TP53BP2: variants seen among roughly 807,000 people sequenced by gnomAD.
The protein encoded by TP53BP2 is tumor protein p53 binding protein 2.
Under a neutral mutation model 126.2 loss-of-function variants are expected in TP53BP2, and 62 were observed. That is an observed-to-expected ratio of 0.49 (90% confidence interval 0.40 to 0.61). The LOEUF (loss-of-function observed/expected upper bound fraction) is 0.61. TP53BP2 is among the 20% of genes least tolerant of loss of function. The pLI is 0.00. For synonymous variants in TP53BP2, 485 were observed against 502.9 expected, an observed-to-expected ratio of 0.96 and a Z score of 0.48; for missense variants, 1,215 against 1,402.8, an observed-to-expected ratio of 0.87 and a Z score of 2.14.
chr1:223,835,325 A>C (rs555113079), intron 1 of TP53BP2, among the ~76,000 whole-genome samples: 1 of 152,342 alleles, frequency 6.6e-6, no homozygotes, highest in African/African-American at 2.4e-5. Flanking sequence ...CGTATCCTCT[A>C]AAGCAACTCA....
intron 1 of TP53BP2, among the ~76,000 whole-genome samples, chr1:223,843,878 A>G (rs556311926): frequency 3.4e-4 from 52 of 152,364 alleles, no homozygotes; most frequent in African/African-American, 1.2e-3. Flanking sequence ...AAATTATTTC[A>G]TATTTTTATA....
chr1:223,825,991 C>T (rs1469267934), intron 1 of TP53BP2: 4 of 152,376 alleles, frequency 2.6e-5, no homozygotes, highest in African/African-American at 7.2e-5. Flanking sequence ...AAAAAAAAGA[C>T]ACTCAGCACA....
chr1:223,809,430 G>C (rs1481267972), intron 4 of TP53BP2, among the ~76,000 whole-genome samples: 1 of 151,940 alleles, frequency 6.6e-6, no homozygotes, highest in East Asian at 1.9e-4. Context: ...AGCTGGGTGT[G>C]GTCACAGGCA....
At chr1:223,815,138 T>C (rs1009363415) in intron 2 of TP53BP2, among the ~76,000 whole-genome samples, 1 of 152,224 alleles carries the variant, frequency 6.6e-6, no homozygotes, top group African/African-American at 2.4e-5. Context: ...TTTTTAAATA[T>C]AAGAATGTTG....
At chr1:223,840,614 C>T (rs1320641329) in intron 1 of TP53BP2, among the ~76,000 whole-genome samples, 2 of 152,134 alleles carry the variant, frequency 1.3e-5, no homozygotes, top group Non-Finnish European at 2.9e-5. Context: ...TTAAAGAGTG[C>T]CATACACTAT....
intron 1 of TP53BP2, among the ~76,000 whole-genome samples, chr1:223,823,710 A>G (rs1663395627): frequency 6.6e-6 from 1 of 152,228 alleles, no homozygotes; most frequent in African/African-American, 2.4e-5. Flanking sequence ...TTAACAAAGC[A>G]CAGAAGTACA....
intron 1 of TP53BP2, among the ~76,000 whole-genome samples, chr1:223,833,900 A>G (rs1447025438): frequency 1.3e-5 from 2 of 152,234 alleles, no homozygotes; most frequent in Non-Finnish European, 2.9e-5. Flanking sequence ...ATATAAAGCG[A>G]TATGATAAAG....
At chr1:223,781,349 G>A (rs1661771976) in intron 17 of TP53BP2, among the ~76,000 whole-genome samples, 1 of 152,234 alleles carries the variant, frequency 6.6e-6, no homozygotes, top group South Asian at 2.1e-4. Context: ...TGGGACTTCA[G>A]ACTGTCAGAA....
At chr1:223,829,365 G>A (rs1223209019) in intron 1 of TP53BP2, among the ~76,000 whole-genome samples, 6 of 152,074 alleles carry the variant, frequency 3.9e-5, no homozygotes, top group African/African-American at 1.4e-4. Context: ...GAGAATGTGG[G>A]TAAAATGGAA....
intron 1 of TP53BP2, among the ~76,000 whole-genome samples, chr1:223,825,026 AAC>A (rs3058420): frequency 0.068 from 9,710 of 143,254 alleles, 394 homozygotes; most frequent in East Asian, 0.13. Flanking sequence ...TCCAACACCA[AAC>A]ACACACACAC....
intron 16 of TP53BP2, among the ~76,000 whole-genome samples, chr1:223,785,959 C>T (rs1661938025): frequency 6.6e-6 from 1 of 151,868 alleles, no homozygotes; most frequent in South Asian, 2.1e-4. Flanking sequence ...AGACAAGTAC[C>T]AAAATGTTCA....
chr1:223,808,300 A>G (rs1662791511), intron 4 of TP53BP2, among the ~76,000 whole-genome samples: 1 of 141,248 alleles, frequency 7.1e-6, no homozygotes, highest in Admixed American at 6.8e-5. Context: ...AGGTGGGTGG[A>G]TCACCTGAGG....
chr1:223,792,354 C>T (rs1448421009), intron 15 of TP53BP2, 35 bp downstream of exon 15: 1 of 1,573,274 alleles, frequency 6.4e-7, no homozygotes, highest in African/African-American at 1.4e-5. Flanking sequence ...ATTCCCACAA[C>T]TGAAGTTTGA....
At chr1:223,821,052 G>C (rs1291126926) in intron 2 of TP53BP2, 168 bp downstream of exon 2, 1 of 789,800 alleles carries the variant, frequency 1.3e-6, no homozygotes, top group African/African-American at 1.8e-5. Context: ...AACCGAAAAA[G>C]ACTTCATGTA....
rs1016834580 is a variant in TP53BP2 at position 223,845,924 on chromosome 1, G to T, written c.-244C>A. The T allele has an allele frequency of 1.1e-4, 27 of 256,960 alleles. No individual in the cohort carries two copies. Among genetic ancestry groups the T allele is most frequent in the Non-Finnish European group, 1.8e-4 (24 of 136,996 alleles). 15.9% of individuals were successfully genotyped at this position (256,960 alleles called of 1,614,324 possible). On this transcript the variant is annotated 5_prime_UTR_variant, in exon 1 of 18. Coordinates refer to ENST00000343537, the MANE Select transcript of TP53BP2 (RefSeq NM_001031685.3). ...TCTCTTCGACGCTCGTGACGGTCGG[G>T]GCTCCCTCCTCCGCTCCGAAACCAA... is the stretch of plus-strand genomic sequence containing the variant.
chr1:223,806,778 C>T (rs939799615), intron 5 of TP53BP2, 68 bp downstream of exon 5: 5 of 1,245,474 alleles, frequency 4.0e-6, no homozygotes, highest in South Asian at 2.5e-5. Context: ...GAGCCAAGAT[C>T]GTGCCACTGC....
At chr1:223,833,660 G>T (rs2102886179) in intron 1 of TP53BP2, among the ~76,000 whole-genome samples, 1 of 152,236 alleles carries the variant, frequency 6.6e-6, no homozygotes, top group African/African-American at 2.4e-5. Context: ...AAACCTATAG[G>T]AGTCATATCC....
chr1:223,798,510 T>C lies in TP53BP2; in HGVS notation c.1653A>G (p.Lys551=). The C allele has an allele frequency of 6.2e-7, 1 of 1,614,092 alleles. No homozygotes were observed. Among genetic ancestry groups the C allele is most frequent in the African/African-American group, 1.3e-5 (1 of 75,012 alleles). Residue 551 remains lysine (K), a synonymous_variant, in exon 12 of 18, where the codon AAA becomes AAG. Transcript: ENST00000343537. ...TVVPSMGTKP[K]PAGQQPRVLL... ...GCACTCTCGGCTGCTGCCCTGCTGG[T>C]TTTGGTTTAGTTCCCATGGACGGAA...
At chr1:223,803,531 A>G (rs1662608226) in intron 6 of TP53BP2, 79 bp from the exon 7 acceptor site, 2 of 1,383,070 alleles carry the variant, frequency 1.4e-6, no homozygotes, top group South Asian at 1.5e-5. Context: ...CGGGCTTTAC[A>G]ATGAACTTTC....
Sources: gnomAD v4.1 joint callset for allele counts (sites outside exome capture counted in the v4.1 genomes callset) on GRCh38, gnomAD v4.1.1 for gene constraint, MANE v1.5 for transcripts, NCBI Gene and HGNC (gene_info 2026-07-23, HGNC 2026-07-21) for gene names.